Variants in BANP observed in about 807,000 individuals in gnomAD.
BANP encodes the protein BTG3 associated nuclear protein.
In BANP, 11 loss-of-function variants were observed where a neutral mutation model predicts 68.1. The ratio of observed to expected loss-of-function variants is 0.16; its 90% CI spans 0.10 to 0.27. BANP has a LOEUF of 0.27. Ranked by LOEUF, BANP falls within the 10% of genes least tolerant of loss-of-function variation. The probability of loss-of-function intolerance (pLI) is 1.00; values close to 1 mark genes in which losing one functional copy is unlikely to be tolerated. For missense variants in BANP, 504 were observed against 722.7 expected, an observed-to-expected ratio of 0.70 and a Z score of 3.47; for synonymous variants, 329 against 303.2, an observed-to-expected ratio of 1.09 and a Z score of -0.88.
At chr16:87,954,473 G>T (rs2144520349) in intron 1 of BANP, among the ~76,000 whole-genome samples, 1 of 152,368 alleles carries the variant, frequency 6.6e-6, no homozygotes, top group Non-Finnish European at 1.5e-5. Context: ...GAAGCTGGCG[G>T]AGAGCCCCGG....
At position 88,071,086 on chromosome 16, in the gene BANP, G is replaced by A. The variant is rs566305845; in HGVS notation, c.1378-983G>A. The A allele has an allele frequency of 3.1e-4, 83 of 265,052 alleles. No individual in the cohort carries two copies. The highest frequency in any genetic ancestry group is 5.1e-4 in the Non-Finnish European group (69 of 134,886). The allele number at this position is 265,052 out of a possible 1,614,324, so 16.4% of individuals were successfully genotyped here. On this transcript the variant is annotated intron_variant, in intron 12 of 13. Coordinates refer to ENST00000682872, the MANE Select transcript of BANP (RefSeq NM_001386991.1). The surrounding 1 kb of genome is among the most constrained non-coding windows in gnomAD (Gnocchi z 6.5). ...TGCTGTTGTCCAGGGCAGGTCCCACGGAGGGGATGCTGCGGCCAGGCTCCG... is the reference window on the plus strand; with the variant it reads ...TGCTGTTGTCCAGGGCAGGTCCCACAGAGGGGATGCTGCGGCCAGGCTCCG...
intron 11 of BANP, among the ~76,000 whole-genome samples, chr16:88,052,865 C>A (rs62046880): frequency 0.46 from 68,518 of 148,824 alleles, 18,406 homozygotes; most frequent in Non-Finnish European, 0.64. Flanking sequence ...ACCACCCTAA[C>A]AATCACTACC....
rs376072449 is a variant in BANP at position 88,004,886 on chromosome 16, A to G, written c.479+475A>G. Among the ~76,000 whole-genome samples the G allele has an allele frequency of 6.6e-6, 1 of 152,030 alleles. No individual in the cohort carries two copies. Among genetic ancestry groups the G allele is most frequent in the East Asian group, 1.9e-4 (1 of 5,186 alleles). On this transcript the variant is annotated intron_variant, in intron 5 of 13. Transcript: ENST00000682872. This position sits in a 1 kb window ranked among gnomAD's most constrained non-coding sequence, Gnocchi z 7.0. ...GAACTTTGGTCAGAGGTGGGAGTGGACAGAAGACACCGTCCCCGCTCTGTG... is the reference window on the plus strand; with the variant it reads ...GAACTTTGGTCAGAGGTGGGAGTGGGCAGAAGACACCGTCCCCGCTCTGTG...
At chr16:88,070,012 C>T (rs1372270725) in intron 12 of BANP, among the ~76,000 whole-genome samples, 2 of 152,022 alleles carry the variant, frequency 1.3e-5, no homozygotes, top group East Asian at 1.9e-4. Context: ...GCCAGGATGA[C>T]GATCCACTTC....
intron 6 of BANP, among the ~76,000 whole-genome samples, chr16:88,006,975 G>A (rs79544593): frequency 0.016 from 2,445 of 148,342 alleles, 68 homozygotes; most frequent in African/African-American, 0.054. Flanking sequence ...AAAAAAGATA[G>A]TGATACAGTA....
intron 11 of BANP, among the ~76,000 whole-genome samples, chr16:88,050,700 T>C (rs529397216): frequency 3.3e-5 from 5 of 152,050 alleles, no homozygotes; most frequent in Admixed American, 6.5e-5. Flanking sequence ...TTTTAATTTT[T>C]TGTTTTTAGA....
chr16:87,955,795 C>G (rs974468315), intron 1 of BANP, among the ~76,000 whole-genome samples: 1 of 152,088 alleles, frequency 6.6e-6, no homozygotes, highest in Admixed American at 6.5e-5. Context: ...CACCAAGGAC[C>G]CAGTGAGACA....
In BANP at chr16:88,002,592, G is replaced by C. The variant is rs1009412796; in HGVS notation, c.363-1703G>C. On this transcript the variant is annotated intron_variant, in intron 4 of 13. Coordinates refer to ENST00000682872, the MANE Select transcript of BANP (RefSeq NM_001386991.1). This position sits in a 1 kb window ranked among gnomAD's most constrained non-coding sequence, Gnocchi z 4.6. ...TGGAAGGTGGGGATCTGGAGACTGC[G>C]TTGCTGAGAGCTGTTTGCATCCATG... 6.6e-6 allele frequency among the ~76,000 whole-genome samples: 1 copy of C among 152,158 alleles called. No individual in the cohort carries two copies. The highest frequency in any genetic ancestry group is 1.5e-5 in the Non-Finnish European group (1 of 68,032).
intron 6 of BANP, among the ~76,000 whole-genome samples, chr16:88,007,069 T>G (rs974823616): frequency 4.6e-5 from 7 of 152,108 alleles, no homozygotes; most frequent in Admixed American, 3.9e-4. Flanking sequence ...GGTGCACATT[T>G]TATGATTTTA....
Position 87,989,741 on chromosome 16 carries a change from G to A in BANP, c.362+5482G>A, listed in dbSNP as rs1300389638. Among the ~76,000 whole-genome samples, 4 of 136,642 alleles carry A rather than the reference G, an allele frequency of 2.9e-5. No homozygotes were observed. The East Asian group carries it at 7.2e-4, about 25-fold the overall frequency. The allele number at this position is 136,642 out of a possible 152,430, so 89.6% of individuals were successfully genotyped here. A position where few individuals can be genotyped will look rare whatever the true frequency, so the allele number is the denominator to read the frequency against. ...GGGATGCAGGCCCGCGTGGCTGCGC[G>A]CATCCAGGACACAGGACACAGGGCG... On this transcript the variant is annotated intron_variant, in intron 4 of 13. Coordinates refer to ENST00000682872, the MANE Select transcript of BANP (RefSeq NM_001386991.1).
intron 8 of BANP, among the ~76,000 whole-genome samples, chr16:88,031,130 C>A (rs1337227165): frequency 3.9e-5 from 6 of 152,230 alleles, no homozygotes; most frequent in African/African-American, 7.2e-5. Context: ...CTCAGGCAGA[C>A]AGGAAGCCGC....
At chr16:88,035,841 G>C (rs1228703111) in intron 10 of BANP, among the ~76,000 whole-genome samples, 1 of 152,238 alleles carries the variant, frequency 6.6e-6, no homozygotes, top group African/African-American at 2.4e-5. Flanking sequence ...TCATGGGATG[G>C]TGGGGAATCC....
At chr16:88,052,517 T>C (rs1225020928) in intron 11 of BANP, among the ~76,000 whole-genome samples, 1 of 152,014 alleles carries the variant, frequency 6.6e-6, no homozygotes, top group Non-Finnish European at 1.5e-5. Flanking sequence ...TCATGATTCC[T>C]GAACATTGCC....
intron 6 of BANP, among the ~76,000 whole-genome samples, chr16:88,015,767 CT>C (rs2074398119): frequency 6.6e-6 from 1 of 152,274 alleles, no homozygotes; most frequent in Admixed American, 6.5e-5. Flanking sequence ...CTCAGGTGCT[CT>C]TCTAGCGCCT....
At position 88,018,747 on chromosome 16, in the gene BANP, G is replaced by T; in HGVS notation, c.895+80G>T. 1 of 1,471,602 alleles carries T rather than the reference G, an allele frequency of 6.8e-7. No individual in the cohort carries two copies. The highest frequency in any genetic ancestry group is 9.1e-7 in the Non-Finnish European group (1 of 1,098,024). 91.2% of individuals were successfully genotyped at this position (1,471,602 alleles called of 1,614,324 possible). A position where few individuals can be genotyped will look rare whatever the true frequency, so the allele number is the denominator to read the frequency against. ...CCACATTTCAATGCTGAGGACGCTG[G>T]CATCAGTAGCACCGGCACGGGGCTG... On this transcript the variant is annotated intron_variant, in intron 7 of 13. Transcript: ENST00000682872. The surrounding 1 kb of genome is among the most constrained non-coding windows in gnomAD (Gnocchi z 7.7).
intron 11 of BANP, among the ~76,000 whole-genome samples, chr16:88,038,368 TGCACAGGCCTGGAAGGGGGGAGG>T (rs2079923472): frequency 6.6e-6 from 1 of 151,808 alleles, no homozygotes; most frequent in Non-Finnish European, 1.5e-5. Context: ...ACCATGACAA[TGCACAGGCCTGGAAGGGGGGAGG>T]GCAGGGCTTG....
chr16:88,019,827 G>A (rs1381095820), intron 7 of BANP, among the ~76,000 whole-genome samples: 1 of 152,204 alleles, frequency 6.6e-6, no homozygotes, highest in Non-Finnish European at 1.5e-5. Flanking sequence ...TGGGGGAGTG[G>A]AAGGGCTCCG....
intron 1 of BANP, among the ~76,000 whole-genome samples, chr16:87,958,970 C>T (rs755122154): frequency 1.1e-4 from 16 of 152,314 alleles, no homozygotes; most frequent in South Asian, 8.3e-4. Flanking sequence ...GACCTTGCGG[C>T]GCCTTGGCAG....
intron 4 of BANP, among the ~76,000 whole-genome samples, chr16:87,989,413 G>A (rs545612701): frequency 5.3e-4 from 80 of 152,350 alleles, no homozygotes; most frequent in African/African-American, 1.9e-3. Flanking sequence ...GGTCTGCAGG[G>A]ATCCAGGGCA....
Sources: gnomAD v4.1 joint callset for allele counts (sites outside exome capture counted in the v4.1 genomes callset) on GRCh38, gnomAD v4.1.1 for gene constraint, Gnocchi (gnomAD v3.1) non-coding constraint, MANE v1.5 for transcripts, NCBI Gene and HGNC (gene_info 2026-07-23, HGNC 2026-07-21) for gene names.